WEE1: variants seen among roughly 807,000 people sequenced by gnomAD.
WEE1 encodes wee1-like protein kinase.
A neutral mutation model predicts 68.8 loss-of-function variants in WEE1; 16 were observed. The observed-to-expected ratio is 0.23, with a 90% CI of 0.16 to 0.35. WEE1 has a LOEUF of 0.35. WEE1 is among the 10% of genes least tolerant of loss of function. The probability of loss-of-function intolerance (pLI) is 1.00; values close to 1 mark genes in which losing one functional copy is unlikely to be tolerated. For synonymous variants in WEE1, 349 were observed against 318.7 expected, an observed-to-expected ratio of 1.09 and a Z score of -1.01; for missense variants, 651 against 824.1, an observed-to-expected ratio of 0.79 and a Z score of 2.57.
At chr11:9,583,377 G>A (rs1190056399) in intron 6 of WEE1, among the ~76,000 whole-genome samples, 2 of 151,992 alleles carry the variant, frequency 1.3e-5, no homozygotes, top group African/African-American at 2.4e-5. Context: ...CACTTTGGGA[G>A]GCTGAGGCGG....
At chr11:9,577,058 T>C in intron 4 of WEE1, 84 bp from the exon 5 acceptor site, 2 of 1,457,120 alleles carry the variant, frequency 1.4e-6, no homozygotes, top group Non-Finnish European at 1.8e-6. Context: ...CAAAAATTTA[T>C]TGTATGAAGT....
Position 9,576,014 on chromosome 11 carries a change from A to G in WEE1, c.703A>G (p.Ile235Val). The change falls in exon 2 of 11, where the codon ATT becomes GTT. Residue 235 changes from isoleucine (I) to valine (V), a missense_variant. Physicochemically the swap from Ile to Val is conservative, Grantham distance 29. Transcript: ENST00000450114. The surrounding 1 kb of genome is among the most constrained non-coding windows in gnomAD (Gnocchi z 4.3). ...FDVRQTPQVNINPFTPDSLLL... is the reference protein window; with the variant it reads ...FDVRQTPQVNVNPFTPDSLLL... ...TGTGCGACAGACTCCTCAAGTGAAT[A>G]TTAATCCTTTTACTCCGGATTCTTT... 11 of 1,614,204 alleles carry G rather than the reference A, an allele frequency of 6.8e-6. No homozygotes were observed. Among genetic ancestry groups the G allele is most frequent in the Middle Eastern group, 1.6e-4 (1 of 6,062 alleles).
intron 6 of WEE1, among the ~76,000 whole-genome samples, chr11:9,582,833 G>A (rs921510516): frequency 6.6e-6 from 1 of 152,066 alleles, no homozygotes; most frequent in Admixed American, 6.5e-5. Context: ...CCAAAGTGCT[G>A]AGATTACAGG....
chr11:9,585,414 T>C, intron 7 of WEE1, 28 bp from the exon 8 acceptor site: 1 of 1,608,558 alleles, frequency 6.2e-7, no homozygotes, highest in South Asian at 1.1e-5. Context: ...GTTTTTGCTC[T>C]TCACTGTAAG....
intron 8 of WEE1, among the ~76,000 whole-genome samples, chr11:9,586,166 G>A (rs1229026769): frequency 1.3e-5 from 2 of 152,240 alleles, no homozygotes; most frequent in African/African-American, 4.8e-5. Flanking sequence ...CCTAGAGGTA[G>A]AGGGATTTCT....
chr11:9,588,430 T>C lies in WEE1; in HGVS notation c.1788-19T>C. 3 of 1,542,190 alleles carry C rather than the reference T, an allele frequency of 1.9e-6. No homozygotes were observed. Among genetic ancestry groups the C allele is most frequent in the Non-Finnish European group, 2.6e-6 (3 of 1,148,320 alleles). ...ATCTCTTCCTAGGAATAATACCTTG[T>C]TTTCTATTTTTATGTCAGAGAACTC... is the stretch of plus-strand genomic sequence containing the variant. On this transcript the variant is annotated intron_variant, in intron 10 of 10. Coordinates refer to ENST00000450114, the MANE Select transcript of WEE1 (RefSeq NM_003390.4).
At chr11:9,586,357 T>C in intron 8 of WEE1, 92 bp from the exon 9 acceptor site, 3 of 1,164,112 alleles carry the variant, frequency 2.6e-6, no homozygotes, top group Non-Finnish European at 3.6e-6. Context: ...TTTGATTAAG[T>C]CCTATTTTTC....
At position 9,581,761 on chromosome 11, in the gene WEE1, T is replaced by G. The variant is rs1244341643; in HGVS notation, c.1288+83T>G. On this transcript the variant is annotated intron_variant, in intron 6 of 10. Coordinates refer to ENST00000450114, the MANE Select transcript of WEE1 (RefSeq NM_003390.4). The stretch of plus-strand genomic sequence containing the variant: ...TCATTATGACAACATTGAAAAAATA[T>G]ATATCTTCTGTTTTCTCATTGTTAG... 3 of 1,354,558 alleles carry G rather than the reference T, an allele frequency of 2.2e-6. No homozygotes were observed. The South Asian group carries it at 4.2e-5, about 19-fold the overall frequency. The allele number at this position is 1,354,558 out of a possible 1,614,324, so 83.9% of individuals were successfully genotyped here. A position where few individuals can be genotyped will look rare whatever the true frequency, so the allele number is the denominator to read the frequency against.
intron 6 of WEE1, among the ~76,000 whole-genome samples, chr11:9,583,110 C>A (rs927309334): frequency 6.6e-6 from 1 of 150,850 alleles, no homozygotes; most frequent in Non-Finnish European, 1.5e-5. Context: ...GGCAGGAGTT[C>A]GAGACCAGCC....
chr11:9,583,846 T>TAC (rs1565090192), intron 6 of WEE1, among the ~76,000 whole-genome samples: 29 of 100,336 alleles, frequency 2.9e-4, no homozygotes, highest in South Asian at 1.4e-3. Context: ...TATATATATA[T>TAC]ACTTTTTTTT....
chr11:9,576,679 T>TCTTTTGCTCTTTTGTCCCCTATGGTGTTA lies in WEE1; in HGVS notation c.1019+23_1019+51dup. The TCTTTTGCTCTTTTGTCCCCTATGGTGTTA allele has an allele frequency of 1.3e-6, 2 of 1,599,212 alleles. No individual in the cohort carries two copies. The highest frequency in any genetic ancestry group is 1.7e-6 in the Non-Finnish European group (2 of 1,174,834). On this transcript the variant is annotated intron_variant, in intron 4 of 10. Transcript: ENST00000450114. The surrounding 1 kb of genome is among the most constrained non-coding windows in gnomAD (Gnocchi z 4.3). ...TGATGAGTATGTATTAAACATTTTG[T>TCTTTTGCTCTTTTGTCCCCTATGGTGTTA]CTTTTGCTCTTTTGTCCCCTATGGT...
intron 5 of WEE1, chr11:9,578,421 G>A (rs185870503): frequency 1.3e-5 from 2 of 153,798 alleles, no homozygotes; most frequent in African/African-American, 2.4e-5. Context: ...GAAAGAACTT[G>A]AGTGTCTAGT....
chr11:9,589,044 T>G lies in WEE1; in HGVS notation c.*442T>G, dbSNP rs1589982517. On this transcript the variant is annotated 3_prime_UTR_variant, in exon 11 of 11. Coordinates refer to ENST00000450114, the MANE Select transcript of WEE1 (RefSeq NM_003390.4). ...GTGTGTCCATCTTATATTTCTTTTT[T>G]TTTTAATTGTGAATTAGACTTGTAT... 1.0e-6 allele frequency: 1 copy of G among 985,868 alleles called. No homozygotes were observed. The highest frequency in any genetic ancestry group is 1.2e-6 in the Non-Finnish European group (1 of 829,938). 61.1% of individuals were successfully genotyped at this position (985,868 alleles called of 1,614,324 possible).
At chr11:9,583,995 A>G (rs1258708711) in intron 6 of WEE1, among the ~76,000 whole-genome samples, 1 of 150,976 alleles carries the variant, frequency 6.6e-6, no homozygotes, top group Non-Finnish European at 1.5e-5. Context: ...ACAGGCGTGC[A>G]CCACCATGCC....
Position 9,573,823 on chromosome 11 carries a change from C to G in WEE1, c.-111C>G, listed in dbSNP as rs1849531462. On this transcript the variant is annotated 5_prime_UTR_variant, in exon 1 of 11. Transcript: ENST00000450114. ...CCGCCGCCGCGCAGAGACGCCGCGG[C>G]TGCGACTAGGCGCGCCCAGCCGCAC... is the stretch of plus-strand genomic sequence containing the variant. 2 of 945,634 alleles carry G rather than the reference C, an allele frequency of 2.1e-6. No homozygotes were observed. The highest frequency in any genetic ancestry group is 2.7e-6 in the Non-Finnish European group (2 of 746,440). The allele number at this position is 945,634 out of a possible 1,614,324, so 58.6% of individuals were successfully genotyped here. A position where few individuals can be genotyped will look rare whatever the true frequency, so the allele number is the denominator to read the frequency against.
intron 6 of WEE1, among the ~76,000 whole-genome samples, chr11:9,582,630 A>G (rs528268919): frequency 6.6e-6 from 1 of 152,122 alleles, no homozygotes; most frequent in Non-Finnish European, 1.5e-5. Flanking sequence ...GCAGTGGCAC[A>G]GTCTCAGCTC....
At chr11:9,579,062 A>G (rs1849596033) in intron 5 of WEE1, 1 of 151,666 alleles carries the variant, frequency 6.6e-6, no homozygotes, top group South Asian at 2.1e-4. Context: ...GCGCGCCACC[A>G]CTCCCAGCTA....
rs573205730 is a variant in WEE1 at position 9,589,938 on chromosome 11, A to T, written c.*1336A>T. On this transcript the variant is annotated 3_prime_UTR_variant, in exon 11 of 11. Transcript: ENST00000450114. The stretch of plus-strand genomic sequence containing the variant: ...CTAGAAATGTAGCATGATGTAATTT[A>T]AAATATCTTCAAATTATTAAGTGAA... 6.4e-6 allele frequency: 1 copy of T among 155,518 alleles called. No homozygotes were observed. Among genetic ancestry groups the T allele is most frequent in the Admixed American group, 6.5e-5 (1 of 15,282 alleles). 9.6% of individuals were successfully genotyped at this position (155,518 alleles called of 1,614,324 possible). A position where few individuals can be genotyped will look rare whatever the true frequency, so the allele number is the denominator to read the frequency against.
chr11:9,587,220 C>CA (rs1360568265), intron 10 of WEE1, among the ~76,000 whole-genome samples: 1 of 152,210 alleles, frequency 6.6e-6, no homozygotes, highest in Non-Finnish European at 1.5e-5. Context: ...CTTGGCCTCC[C>CA]AAAGTGCTGG....
Sources: allele counts gnomAD v4.1 joint callset (sites outside exome capture counted in the v4.1 genomes callset), GRCh38; gene constraint gnomAD v4.1.1; non-coding constraint Gnocchi (gnomAD v3.1); transcripts MANE v1.5; gene names NCBI Gene and HGNC (gene_info 2026-07-23, HGNC 2026-07-21).